Variants in KCNG3 observed in about 807,000 individuals in gnomAD.
KCNG3 encodes voltage-gated potassium channel regulatory subunit KCNG3.
In KCNG3, 15 loss-of-function variants were observed where a neutral mutation model predicts 29.0. That is an observed-to-expected ratio of 0.52 (90% CI 0.35 to 0.80). The LOEUF (loss-of-function observed/expected upper bound fraction) is 0.80, where lower values mean the gene tolerates loss of function less well. Among genes scored for constraint, KCNG3 ranks in the 30% least tolerant of loss-of-function variants. The probability of loss-of-function intolerance (pLI) is 0.01; values close to 1 mark genes in which losing one functional copy is unlikely to be tolerated. For synonymous variants in KCNG3, 322 were observed against 248.9 expected (o/e 1.29, Z -2.76); for missense variants, 512 against 605.7 (o/e 0.85, Z 1.62).
chr2:42,479,524 T>C (rs1315591398), intron 1 of KCNG3, among the ~76,000 whole-genome samples: 1 of 151,658 alleles, frequency 6.6e-6, no homozygotes, highest in Admixed American at 6.6e-5. Flanking sequence ...TGCATGCTTG[T>C]AGTCCCAGCC....
At chr2:42,449,514 C>CTTTTTTTTTTTTTTT (rs36088470) in intron 1 of KCNG3, among the ~76,000 whole-genome samples, 19 of 99,446 alleles carry the variant, frequency 1.9e-4, no homozygotes, top group African/African-American at 6.3e-4. Flanking sequence ...ACTGAGATTT[C>CTTTTTTTTTTTTTTT]TTTTTTTTTT....
At chr2:42,406,913 T>G in the KCNG3 span, among the ~76,000 whole-genome samples, 1 of 152,058 alleles carries the variant, frequency 6.6e-6, no homozygotes, top group Non-Finnish European at 1.5e-5. Context: ...GTTCCTAATT[T>G]TATGGCATTG....
intron 1 of KCNG3, among the ~76,000 whole-genome samples, chr2:42,452,220 AATATAT>A (rs869226338): frequency 3.0e-4 from 31 of 104,670 alleles, no homozygotes; most frequent in African/African-American, 1.0e-3. Context: ...TGGGGTGGTA[AATATAT>A]ATATATATAT....
chr2:42,477,383 A>G (rs112228262), intron 1 of KCNG3, among the ~76,000 whole-genome samples: 37 of 103,100 alleles, frequency 3.6e-4, no homozygotes, highest in Non-Finnish European at 5.0e-4. Flanking sequence ...ACACACACAT[A>G]TATATACACA....
chr2:42,470,285 G>C (rs897378662), intron 1 of KCNG3: 2 of 345,720 alleles, frequency 5.8e-6, no homozygotes, highest in Non-Finnish European at 1.1e-5. Flanking sequence ...ATGTACTCAC[G>C]CAATAAAATA....
intron 1 of KCNG3, among the ~76,000 whole-genome samples, chr2:42,454,258 C>CA (rs1252509321): frequency 6.6e-6 from 1 of 151,920 alleles, no homozygotes; most frequent in Non-Finnish European, 1.5e-5. Flanking sequence ...GGTATATATC[C>CA]AAAAAAATTG....
chr2:42,458,472 A>C (rs1208219096), intron 1 of KCNG3, among the ~76,000 whole-genome samples: 1 of 152,192 alleles, frequency 6.6e-6, no homozygotes, highest in Non-Finnish European at 1.5e-5. Flanking sequence ...GACCCCCTAC[A>C]AAGAAACAAC....
At position 42,442,269 on chromosome 2, in the gene KCNG3, A is replaced by G. The variant is rs903250313; in HGVS notation, c.*1665T>C. 1 of 152,212 alleles carries G rather than the reference A, an allele frequency of 6.6e-6. No homozygotes were observed. Among genetic ancestry groups the G allele is most frequent in the Non-Finnish European group, 1.5e-5 (1 of 68,036 alleles). The allele number at this position is 152,212 out of a possible 1,614,324, so 9.4% of individuals were successfully genotyped here. ...GGCCAAACTATTACATAAGCTTAGG[A>G]AAGGAAATTAAGGGAAAGAAAACAG... On this transcript the variant is annotated 3_prime_UTR_variant, in exon 2 of 2. Coordinates refer to ENST00000306078, the MANE Select transcript of KCNG3 (RefSeq NM_133329.6).
chr2:42,477,822 T>C (rs1350125035), intron 1 of KCNG3, among the ~76,000 whole-genome samples: 1 of 151,884 alleles, frequency 6.6e-6, no homozygotes, highest in East Asian at 2.0e-4. Flanking sequence ...GAAGTTGCAG[T>C]GAGCCAAGAT....
At chr2:42,452,056 A>C (rs965931851) in intron 1 of KCNG3, among the ~76,000 whole-genome samples, 15 of 151,916 alleles carry the variant, frequency 9.9e-5, no homozygotes, top group African/African-American at 3.4e-4. Context: ...ACAACAACAA[A>C]AAAAATCAAC....
intron 1 of KCNG3, among the ~76,000 whole-genome samples, chr2:42,484,138 A>G (rs1244228110): frequency 2.0e-5 from 3 of 152,204 alleles, no homozygotes; most frequent in East Asian, 1.9e-4. Flanking sequence ...GCTGAACAAG[A>G]TCATAGAACA....
intron 1 of KCNG3, chr2:42,463,001 A>G (rs924093865): frequency 2.6e-5 from 4 of 153,346 alleles, no homozygotes; most frequent in African/African-American, 9.7e-5. Context: ...CACTCTTTGA[A>G]TCATCTTTAA....
At position 42,475,302 on chromosome 2, in the gene KCNG3, T is replaced by G. The variant is rs1208513023; in HGVS notation, c.665+17535A>C. On this transcript the variant is annotated intron_variant, in intron 1 of 1. Transcript: ENST00000306078. ...TCACACCACTGTACTCCAGCCTGAG[T>G]GACAGAACAAGCCTCTGTCTCTTTT... Among the ~76,000 whole-genome samples the G allele has an allele frequency of 2.0e-5, 3 of 148,330 alleles. No individual in the cohort carries two copies. The South Asian group carries it at 6.4e-4, about 31-fold the overall frequency.
intron 1 of KCNG3, among the ~76,000 whole-genome samples, chr2:42,481,467 C>T (rs894691828): frequency 6.6e-6 from 1 of 152,176 alleles, no homozygotes; most frequent in Non-Finnish European, 1.5e-5. Context: ...TGGCTCCACC[C>T]TTGCAGGACC....
At chr2:42,420,596 C>G in the KCNG3 span, among the ~76,000 whole-genome samples, 1,892 of 152,158 alleles carry the variant, frequency 0.012, 35 homozygotes, top group African/African-American at 0.042. Context: ...TTCAGACCAG[C>G]CTGACCAACA....
At chr2:42,433,244 A>G in the KCNG3 span, among the ~76,000 whole-genome samples, 1 of 152,250 alleles carries the variant, frequency 6.6e-6, no homozygotes. Context: ...GAAAACCTAA[A>G]GAATCCTATT....
the KCNG3 span, among the ~76,000 whole-genome samples, chr2:42,389,052 G>C: frequency 6.6e-6 from 1 of 151,986 alleles, no homozygotes; most frequent in African/African-American, 2.4e-5. Flanking sequence ...CGAGTAGCTG[G>C]GATTACAGGC....
chr2:42,392,714 G>A, the KCNG3 span, among the ~76,000 whole-genome samples: 1 of 151,718 alleles, frequency 6.6e-6, no homozygotes, highest in Non-Finnish European at 1.5e-5. Flanking sequence ...AACTCAGGAG[G>A]GGTAAGGAAG....
At chr2:42,456,643 T>A (rs1030156611) in intron 1 of KCNG3, among the ~76,000 whole-genome samples, 1 of 152,150 alleles carries the variant, frequency 6.6e-6, no homozygotes, top group Non-Finnish European at 1.5e-5. Context: ...AAGTAAACAG[T>A]ATGCCCAACT....
Sources: gnomAD v4.1 joint callset for allele counts (sites outside exome capture counted in the v4.1 genomes callset) on GRCh38, gnomAD v4.1.1 for gene constraint, MANE v1.5 for transcripts, NCBI Gene and HGNC (gene_info 2026-07-23, HGNC 2026-07-21) for gene names.